The following DIP2C variants were observed in gnomAD, a reference collection of about 807,000 sequenced individuals.
DIP2C encodes disco-interacting protein 2 homolog C.
Under a neutral mutation model 192.4 loss-of-function variants are expected in DIP2C, and 33 were observed. The observed-to-expected ratio is 0.17, with a 90% confidence interval of 0.13 to 0.23. DIP2C has a LOEUF of 0.23. DIP2C is among the 10% of genes least tolerant of loss of function. The pLI is 1.00. For synonymous variants in DIP2C, 979 were observed against 864.1 expected (o/e 1.13, Z -2.33); for missense variants, 1,537 against 2,110.1 (o/e 0.73, Z 5.32).
chr10:387,723 C>G (rs200606469), intron 14 of DIP2C, 22 bp downstream of exon 14: 1 of 1,613,614 alleles, frequency 6.2e-7, no homozygotes, highest in East Asian at 2.2e-5. Flanking sequence ...TGGACAGACA[C>G]GGCCGGGGGG....
At chr10:327,922 C>G (rs1164443720) in intron 30 of DIP2C, among the ~76,000 whole-genome samples, 1 of 152,166 alleles carries the variant, frequency 6.6e-6, no homozygotes, top group African/African-American at 2.4e-5. Context: ...GAGTTAAGCT[C>G]AGCTCACTCT....
At chr10:309,976 C>A in intron 32 of DIP2C, 55 bp downstream of exon 32, 1 of 1,558,128 alleles carries the variant, frequency 6.4e-7, no homozygotes, top group Non-Finnish European at 8.8e-7. Context: ...GCATGCAAGG[C>A]CGCAGAACAA....
At chr10:282,750 C>T (rs12261918) in intron 35 of DIP2C, among the ~76,000 whole-genome samples, 2 of 152,192 alleles carry the variant, frequency 1.3e-5, no homozygotes, top group Non-Finnish European at 2.9e-5. Flanking sequence ...GCATCAGCAG[C>T]ACCAGGCCCT....
At chr10:683,365 C>T (rs1298646880) in intron 1 of DIP2C, among the ~76,000 whole-genome samples, 1 of 152,204 alleles carries the variant, frequency 6.6e-6, no homozygotes, top group African/African-American at 2.4e-5. Flanking sequence ...TTATGATCAT[C>T]ACCAACAAAT....
intron 1 of DIP2C, among the ~76,000 whole-genome samples, chr10:656,894 G>A (rs1856369286): frequency 6.6e-6 from 1 of 152,194 alleles, no homozygotes; most frequent in South Asian, 2.1e-4. Context: ...CAAAGAGCAT[G>A]GAACTTTGCT....
At chr10:630,754 C>G (rs991101326) in intron 1 of DIP2C, 1 of 152,224 alleles carries the variant, frequency 6.6e-6, no homozygotes, top group African/African-American at 2.4e-5. Flanking sequence ...ATAAGTCTTG[C>G]TAGGGGGACA....
intron 13 of DIP2C, among the ~76,000 whole-genome samples, chr10:388,716 T>C (rs1963188771): frequency 6.6e-6 from 1 of 151,966 alleles, no homozygotes. Flanking sequence ...AAAAGGGAGA[T>C]TATGAGGATG....
At chr10:448,667 C>A (rs1160616878) in intron 3 of DIP2C, among the ~76,000 whole-genome samples, 1 of 140,290 alleles carries the variant, frequency 7.1e-6, no homozygotes, top group Non-Finnish European at 1.5e-5. Context: ...GACCCACTCA[C>A]CCCTGTCGAT....
rs534519527 is a variant in DIP2C, at chr10:519,322, A to G, written c.86-32792T>C. 3.3e-5 allele frequency among the ~76,000 whole-genome samples: 5 copies of G among 152,356 alleles called. No individual in the cohort carries two copies. In the East Asian group the frequency reaches 9.6e-4, roughly 29 times the overall value. On this transcript the variant is annotated intron_variant, in intron 1 of 36. Transcript: ENST00000280886. ...CCTGGGATGAGGTGGATGCCATGGA[A>G]GGAAATTCAGAGAAAGACCCCCGGG...
chr10:632,363 G>A (rs1455801827), intron 1 of DIP2C, among the ~76,000 whole-genome samples: 5 of 151,672 alleles, frequency 3.3e-5, no homozygotes, highest in Non-Finnish European at 7.4e-5. Flanking sequence ...AGCCAGCACC[G>A]TAACTGGAGA....
chr10:540,955 G>A (rs368688391), intron 1 of DIP2C, among the ~76,000 whole-genome samples: 4 of 152,130 alleles, frequency 2.6e-5, no homozygotes, highest in South Asian at 2.1e-4. Flanking sequence ...GGTGGTGGTC[G>A]TGCTACACGC....
At chr10:507,436 T>C (rs1483002075) in intron 1 of DIP2C, among the ~76,000 whole-genome samples, 1 of 151,226 alleles carries the variant, frequency 6.6e-6, no homozygotes, top group African/African-American at 2.4e-5. Context: ...AGGGACCTGG[T>C]CACCCGCTAT....
chr10:384,051 T>A lies in DIP2C; in HGVS notation c.1852A>T (p.Ile618Leu). 6.2e-7 allele frequency: 1 copy of A among 1,608,128 alleles called. No homozygotes were observed. Among genetic ancestry groups the A allele is most frequent in the Non-Finnish European group, 8.5e-7 (1 of 1,178,242 alleles). ...CAGGGGTTCGCGCCGTCCGCCACTA[T>A]CAGCATTCGCAGAGAGGAGAGGTTG... Reference protein sequence around the residue: ...DINLSSLRMLIVADGANPWSI... With the variant: ...DINLSSLRMLLVADGANPWSI... The change falls in exon 16 of 37, where the codon ATA becomes TTA. Residue 618 changes from isoleucine to leucine, a missense_variant. Ile to Leu is a conservative substitution (Grantham distance 5). Around this residue, in one of 4 missense-constraint regions of DIP2C, gnomAD observed 677 missense variants for 989.9 expected, o/e 0.68. Coordinates refer to ENST00000280886, the MANE Select transcript of DIP2C (RefSeq NM_014974.3).
At chr10:575,802 A>G (rs910444165) in intron 1 of DIP2C, among the ~76,000 whole-genome samples, 1 of 152,204 alleles carries the variant, frequency 6.6e-6, no homozygotes, top group African/African-American at 2.4e-5. Context: ...CTCCCACCCA[A>G]CTAGGAAGCG....
chr10:457,600 G>C (rs1969405838), intron 3 of DIP2C, among the ~76,000 whole-genome samples: 1 of 152,130 alleles, frequency 6.6e-6, no homozygotes, highest in Non-Finnish European at 1.5e-5. Flanking sequence ...CTGTCACCCA[G>C]AGTGGGGTGC....
intron 3 of DIP2C, among the ~76,000 whole-genome samples, chr10:468,393 C>A (rs920664299): frequency 4.6e-5 from 7 of 152,032 alleles, no homozygotes; most frequent in Non-Finnish European, 1.0e-4. Flanking sequence ...AAAATGAGAA[C>A]CCCACCTGAG....
chr10:278,440 T>A (rs1031248637), intron 36 of DIP2C, among the ~76,000 whole-genome samples: 3 of 81,078 alleles, frequency 3.7e-5, no homozygotes, highest in African/African-American at 1.5e-4. Context: ...GCCTGTGCCA[T>A]TGCAAGGATG....
At chr10:319,388 T>C (rs919495667) in intron 31 of DIP2C, among the ~76,000 whole-genome samples, 8 of 152,362 alleles carry the variant, frequency 5.3e-5, no homozygotes, top group South Asian at 2.1e-4. Flanking sequence ...TTCTATATAA[T>C]AGAAATCCAA....
At position 288,602 on chromosome 10, in the gene DIP2C, C is replaced by T. The variant is rs991533909; in HGVS notation, c.3987-181G>A. Among the ~76,000 whole-genome samples, 4 of 152,180 alleles carry T rather than the reference C, an allele frequency of 2.6e-5. No individual in the cohort carries two copies. The South Asian group carries it at 6.2e-4, about 24-fold the overall frequency. On this transcript the variant is annotated intron_variant, in intron 32 of 36. Transcript: ENST00000280886. ...GCAGCAGAGGAAACTGAACCCGAAG[C>T]GAGGGCCACAGAGAAGGCAGATGAA... is the stretch of plus-strand genomic sequence containing the variant.
Sources: allele counts gnomAD v4.1 joint callset (sites outside exome capture counted in the v4.1 genomes callset), GRCh38; gene constraint gnomAD v4.1.1; regional missense constraint gnomAD v4.1.1; transcripts MANE v1.5; gene names NCBI Gene and HGNC (gene_info 2026-07-23, HGNC 2026-07-21).